CHRDL1: variants seen among roughly 807,000 people sequenced by gnomAD.
CHRDL1 encodes the protein chordin-like protein 1.
A neutral mutation model predicts 40.9 loss-of-function variants in CHRDL1; 19 were observed. The observed-to-expected ratio is 0.46, with a 90% CI of 0.32 to 0.68. The LOEUF is 0.68. Among genes scored for constraint, CHRDL1 ranks in the 30% least tolerant of loss-of-function variants. CHRDL1 has a pLI of 0.03. For synonymous variants in CHRDL1, 136 were observed against 123.4 expected (o/e 1.10, Z -0.68); for missense variants, 329 against 352.1 (o/e 0.93, Z 0.53).
Position 110,770,243 on chromosome X carries a change from G to T in CHRDL1, c.95-7436C>A, listed in dbSNP as rs191471254. Among the ~76,000 whole-genome samples the T allele has an allele frequency of 2.7e-5, 3 of 112,071 alleles. No homozygotes were observed. In the East Asian group the frequency reaches 8.4e-4, roughly 31 times the overall value. On this transcript the variant is annotated intron_variant, in intron 2 of 11. Transcript: ENST00000372042. ...ATTATAAAGTGCTATAAAATATAGA[G>T]TGTTATTTTATAAACATTATACATA... is the stretch of plus-strand genomic sequence containing the variant.
At chrX:110,741,745 T>C (rs1369686757) in intron 4 of CHRDL1, among the ~76,000 whole-genome samples, 1 of 111,954 alleles carries the variant, frequency 8.9e-6, no homozygotes, top group Non-Finnish European at 1.9e-5. Flanking sequence ...GCTTAAGATT[T>C]TTAGGGCTGG....
chrX:110,682,839 C>T (rs760713357), intron 9 of CHRDL1, among the ~76,000 whole-genome samples: 2 of 112,119 alleles, frequency 1.8e-5, no homozygotes, highest in African/African-American at 6.5e-5. Context: ...TGGAATCAAG[C>T]TTTTTGTTTT....
chrX:110,680,674 G>A (rs1236621397), intron 10 of CHRDL1, among the ~76,000 whole-genome samples: 2 of 111,807 alleles, frequency 1.8e-5, no homozygotes, highest in East Asian at 5.6e-4. Context: ...AGCCTTATGT[G>A]AGAGCCAATA....
intron 4 of CHRDL1, among the ~76,000 whole-genome samples, chrX:110,746,073 C>T (rs1223802841): frequency 9.0e-6 from 1 of 111,728 alleles, no homozygotes; most frequent in Non-Finnish European, 1.9e-5. Context: ...CAAAACAGTT[C>T]CCAGACATTT....
intron 3 of CHRDL1, among the ~76,000 whole-genome samples, chrX:110,760,775 T>G (rs1256495499): frequency 2.7e-5 from 3 of 111,788 alleles, no homozygotes; most frequent in African/African-American, 9.8e-5. Context: ...TATCCCAACC[T>G]TTTCCTTTTC....
chrX:110,754,215 A>G (rs2089410848), intron 4 of CHRDL1, among the ~76,000 whole-genome samples: 1 of 112,269 alleles, frequency 8.9e-6, no homozygotes, highest in East Asian at 2.8e-4. Context: ...TGTTCCTTCA[A>G]GCTAATGTTA....
chrX:110,743,460 A>G (rs1480329392), intron 4 of CHRDL1, among the ~76,000 whole-genome samples: 2 of 112,224 alleles, frequency 1.8e-5, no homozygotes, highest in African/African-American at 3.2e-5. Flanking sequence ...CCTTTTAAGC[A>G]GACTCATGAA....
At chrX:110,758,741 T>A (rs1397545963) in intron 4 of CHRDL1, among the ~76,000 whole-genome samples, 1 of 111,969 alleles carries the variant, frequency 8.9e-6, no homozygotes, top group African/African-American at 3.2e-5. Context: ...ACAATAAAGC[T>A]GCGGATGTTC....
intron 6 of CHRDL1, among the ~76,000 whole-genome samples, chrX:110,711,963 G>A (rs1302678611): frequency 2.7e-5 from 3 of 111,779 alleles, no homozygotes; most frequent in Non-Finnish European, 1.9e-5. Flanking sequence ...TTGGATGAAC[G>A]GGCTTGGGTT....
At chrX:110,731,453 T>C (rs1444349049) in intron 4 of CHRDL1, among the ~76,000 whole-genome samples, 1 of 111,448 alleles carries the variant, frequency 9.0e-6, no homozygotes, top group Non-Finnish European at 1.9e-5. Flanking sequence ...AAGTTGAGCA[T>C]AGAGTTACCA....
In CHRDL1 at chrX:110,689,440, CTATATATATCTATA is replaced by C. The variant is rs1372173688; in HGVS notation, c.779-651_779-638del. Among the ~76,000 whole-genome samples, 60 of 57,816 alleles carry C rather than the reference CTATATATATCTATA, an allele frequency of 1.0e-3. 6 individuals are homozygous for C. The highest frequency in any genetic ancestry group is 1.3e-3 in the Non-Finnish European group (49 of 38,971). The allele number at this position is 57,816 out of a possible 115,157, so 50.2% of individuals were successfully genotyped here. A position where few individuals can be genotyped will look rare whatever the true frequency, so the allele number is the denominator to read the frequency against. On this transcript the variant is annotated intron_variant, in intron 8 of 11. Transcript: ENST00000372042. ...TATATATATCTATATATCTATATATCTATATATATCTATATATCTATATATATCTATATATCTAT... is the reference window on the plus strand; with the variant it reads ...TATATATATCTATATATCTATATATCTATCTATATATATCTATATATCTAT...
At chrX:110,676,926 C>T (rs1260221150) in intron 11 of CHRDL1, among the ~76,000 whole-genome samples, 1 of 111,167 alleles carries the variant, frequency 9.0e-6, no homozygotes, top group Non-Finnish European at 1.9e-5. Context: ...CTTATACCCC[C>T]TTAGCACCCT....
At chrX:110,764,572 A>C (rs2089627262) in intron 2 of CHRDL1, among the ~76,000 whole-genome samples, 1 of 112,138 alleles carries the variant, frequency 8.9e-6, no homozygotes, top group African/African-American at 3.2e-5. Flanking sequence ...GGGTTTGAAC[A>C]ATATGAAATC....
At chrX:110,757,623 G>A (rs1359057432) in intron 4 of CHRDL1, among the ~76,000 whole-genome samples, 1 of 111,632 alleles carries the variant, frequency 9.0e-6, no homozygotes, top group Non-Finnish European at 1.9e-5. Flanking sequence ...AGAAAGAGCT[G>A]TTAAAGGTTA....
chrX:110,737,450 A>G (rs2071282164), intron 4 of CHRDL1, among the ~76,000 whole-genome samples: 1 of 111,983 alleles, frequency 8.9e-6, no homozygotes, highest in African/African-American at 3.3e-5. Context: ...GGGAACCAGC[A>G]GCATTAATAC....
chrX:110,677,072 T>C (rs2069793430), intron 11 of CHRDL1, among the ~76,000 whole-genome samples: 3 of 110,928 alleles, frequency 2.7e-5, no homozygotes, highest in Non-Finnish European at 5.7e-5. Context: ...GTCTTCTTTT[T>C]ATTCCTGTGC....
intron 4 of CHRDL1, among the ~76,000 whole-genome samples, chrX:110,729,725 G>C (rs1205443953): frequency 9.0e-6 from 1 of 111,593 alleles, no homozygotes; most frequent in East Asian, 2.8e-4. Context: ...CCTAGGGAGA[G>C]GAGAAGCCTT....
chrX:110,704,677 T>C (rs2070586585), intron 6 of CHRDL1, among the ~76,000 whole-genome samples: 1 of 111,493 alleles, frequency 9.0e-6, no homozygotes, highest in Non-Finnish European at 1.9e-5. Context: ...GGGACAGTGA[T>C]TGAGCAGGGA....
chrX:110,750,445 G>A (rs2089336578), intron 4 of CHRDL1, among the ~76,000 whole-genome samples: 1 of 111,321 alleles, frequency 9.0e-6, no homozygotes, highest in African/African-American at 3.3e-5. Flanking sequence ...TCAAGGGTCA[G>A]TCTGGCAACT....
Sources: gnomAD v4.1 joint callset for allele counts (sites outside exome capture counted in the v4.1 genomes callset) on GRCh38, gnomAD v4.1.1 for gene constraint, MANE v1.5 for transcripts, NCBI Gene and HGNC (gene_info 2026-07-23, HGNC 2026-07-21) for gene names.